Variants in PRR5L observed in about 807,000 individuals in gnomAD.
PRR5L encodes the protein proline rich 5 like, also known as proline-rich protein 5-like.
A neutral mutation model predicts 36.4 loss-of-function variants in PRR5L; 21 were observed. The observed-to-expected ratio is 0.58, with a 90% CI of 0.41 to 0.83. PRR5L has a LOEUF of 0.83. PRR5L is among the 40% of genes least tolerant of loss of function. PRR5L has a pLI of 0.00. For synonymous variants in PRR5L, 188 were observed against 197.0 expected, an observed-to-expected ratio of 0.95 and a Z score of 0.38; for missense variants, 381 against 473.3, an observed-to-expected ratio of 0.80 and a Z score of 1.81.
At chr11:36,385,669 C>T (rs1857445644) in intron 1 of PRR5L, among the ~76,000 whole-genome samples, 1 of 152,242 alleles carries the variant, frequency 6.6e-6, no homozygotes, top group African/African-American at 2.4e-5. Flanking sequence ...CCATAGTTCA[C>T]AGTTGACCCT....
chr11:36,416,543 GT>G (rs1196412636), intron 3 of PRR5L, among the ~76,000 whole-genome samples: 1 of 152,188 alleles, frequency 6.6e-6, no homozygotes, highest in Non-Finnish European at 1.5e-5. Context: ...CCCTCTTCAT[GT>G]TCTACTTCTT....
At chr11:36,338,601 C>T (rs773483059) in intron 1 of PRR5L, among the ~76,000 whole-genome samples, 23 of 152,158 alleles carry the variant, frequency 1.5e-4, no homozygotes, top group Admixed American at 3.3e-4. Context: ...GATTCCCTGA[C>T]GGCAGGATCC....
chr11:36,451,372 G>T (rs1858941527), intron 8 of PRR5L, 37 bp downstream of exon 8: 1 of 1,611,984 alleles, frequency 6.2e-7, no homozygotes, highest in South Asian at 1.1e-5. Context: ...AAGAGGCCCA[G>T]TGATCATGAT....
intron 1 of PRR5L, among the ~76,000 whole-genome samples, chr11:36,389,739 AGTAGCTG>A (rs1857527923): frequency 1.3e-5 from 2 of 151,398 alleles, no homozygotes; most frequent in Admixed American, 1.3e-4. Flanking sequence ...CAGCCCCCTG[AGTAGCTG>A]GGATTACAGG....
chr11:36,353,318 T>C (rs528923315), intron 1 of PRR5L, among the ~76,000 whole-genome samples: 2 of 152,284 alleles, frequency 1.3e-5, no homozygotes, highest in East Asian at 1.9e-4. Flanking sequence ...ATGTCTTATA[T>C]TGATGAGCTC....
chr11:36,403,964 T>C (rs1857855216), intron 3 of PRR5L, among the ~76,000 whole-genome samples: 1 of 152,208 alleles, frequency 6.6e-6, no homozygotes, highest in Admixed American at 6.5e-5. Flanking sequence ...TGAAAGCATA[T>C]GTTAAAATGA....
At chr11:36,410,413 C>G (rs1857999316) in intron 3 of PRR5L, among the ~76,000 whole-genome samples, 1 of 152,040 alleles carries the variant, frequency 6.6e-6, no homozygotes, top group African/African-American at 2.4e-5. Flanking sequence ...GCCTGCCTGC[C>G]CCTGTGGCAT....
chr11:36,448,818 C>T (rs1858887123), intron 7 of PRR5L, among the ~76,000 whole-genome samples: 1 of 152,196 alleles, frequency 6.6e-6, no homozygotes, highest in East Asian at 1.9e-4. Context: ...TCCCATCTCA[C>T]AGCTGAGATG....
At chr11:36,443,348 G>A (rs1485269746) in intron 6 of PRR5L, among the ~76,000 whole-genome samples, 5 of 152,130 alleles carry the variant, frequency 3.3e-5, no homozygotes, top group Admixed American at 2.0e-4. Context: ...TGAGGGATCC[G>A]CTCTCATGAC....
intron 1 of PRR5L, among the ~76,000 whole-genome samples, chr11:36,351,432 T>C (rs561758525): frequency 1.8e-4 from 9 of 50,804 alleles, no homozygotes; most frequent in South Asian, 7.8e-4. Flanking sequence ...TTTATATATT[T>C]ATATATACAT....
At chr11:36,435,434 G>T (rs1035423016) in intron 5 of PRR5L, among the ~76,000 whole-genome samples, 10 of 152,110 alleles carry the variant, frequency 6.6e-5, no homozygotes, top group African/African-American at 2.4e-4. Flanking sequence ...AATCTGCAGC[G>T]GGGTGGTTTG....
chr11:36,304,293 G>C (rs541602071), intron 1 of PRR5L, among the ~76,000 whole-genome samples: 51 of 152,260 alleles, frequency 3.3e-4, no homozygotes, highest in African/African-American at 1.2e-3. Context: ...TCAAGGAATT[G>C]TTCATTTAAC....
intron 7 of PRR5L, among the ~76,000 whole-genome samples, chr11:36,448,553 G>T (rs2133621081): frequency 6.6e-6 from 1 of 152,222 alleles, no homozygotes; most frequent in Middle Eastern, 3.4e-3. Flanking sequence ...TTGCCCTTGT[G>T]CCCTCAGCAC....
chr11:36,378,892 G>A (rs1283242238), intron 1 of PRR5L, among the ~76,000 whole-genome samples: 2 of 152,164 alleles, frequency 1.3e-5, no homozygotes, highest in Non-Finnish European at 1.5e-5. Flanking sequence ...ATACACACAG[G>A]GATGGAGCTG....
chr11:36,418,639 AC>A (rs1858197817), intron 3 of PRR5L, among the ~76,000 whole-genome samples: 2 of 152,178 alleles, frequency 1.3e-5, no homozygotes, highest in Admixed American at 1.3e-4. Flanking sequence ...TACTAAAAAT[AC>A]AAAAAATTAG....
chr11:36,360,369 T>C (rs1014786504), intron 1 of PRR5L, among the ~76,000 whole-genome samples: 8 of 152,190 alleles, frequency 5.3e-5, no homozygotes, highest in Admixed American at 2.0e-4. Context: ...TTATAAAATA[T>C]AACTCAGCAA....
chr11:36,323,642 G>A (rs1273319287), intron 1 of PRR5L, among the ~76,000 whole-genome samples: 1 of 152,204 alleles, frequency 6.6e-6, no homozygotes, highest in Non-Finnish European at 1.5e-5. Flanking sequence ...ACACTATTTT[G>A]ATTTGACTTT....
chr11:36,327,346 C>T (rs76432442), intron 1 of PRR5L, among the ~76,000 whole-genome samples: 14,569 of 152,088 alleles, frequency 0.096, 1,261 homozygotes, highest in African/African-American at 0.24. Context: ...ATTTCAGGCA[C>T]AACCAATCAG....
intron 6 of PRR5L, among the ~76,000 whole-genome samples, chr11:36,443,909 A>G (rs554620145): frequency 6.6e-6 from 1 of 152,280 alleles, no homozygotes; most frequent in South Asian, 2.1e-4. Context: ...TTGGTGTAAG[A>G]CAGTAGGCTC....
Sources: gnomAD v4.1 joint callset for allele counts (sites outside exome capture counted in the v4.1 genomes callset) on GRCh38, gnomAD v4.1.1 for gene constraint, MANE v1.5 for transcripts, NCBI Gene and HGNC (gene_info 2026-07-23, HGNC 2026-07-21) for gene names.